Variants in POU3F3 observed in about 807,000 individuals in gnomAD.
POU3F3 encodes the protein POU domain, class 3, transcription factor 3.
POU3F3 carries 1 observed loss-of-function variant against 8.6 expected under a neutral mutation model. The ratio of observed to expected loss-of-function variants is 0.12; its 90% CI spans 0.04 to 0.55. POU3F3 has a LOEUF of 0.55. POU3F3 is among the 20% of genes least tolerant of loss of function. POU3F3 has a pLI of 0.91. For synonymous variants in POU3F3, 418 were observed against 327.4 expected (o/e 1.28, Z -2.99); for missense variants, 577 against 690.7 (o/e 0.84, Z 1.84).
the POU3F3 span, among the ~76,000 whole-genome samples, chr2:104,879,173 A>G: frequency 6.6e-6 from 1 of 152,102 alleles, no homozygotes; most frequent in African/African-American, 2.4e-5. Context: ...GGCACACAAC[A>G]CATGCATACA....
chr2:104,877,255 G>A, the POU3F3 span, among the ~76,000 whole-genome samples: 1 of 144,530 alleles, frequency 6.9e-6, no homozygotes. Context: ...TTTTCCATTT[G>A]CAATGGCTTA....
At chr2:104,872,662 C>T in the POU3F3 span, 2 of 271,314 alleles carry the variant, frequency 7.4e-6, no homozygotes, top group Non-Finnish European at 1.4e-5. This position sits in a 1 kb window ranked among gnomAD's most constrained non-coding sequence, Gnocchi z 4.6. Flanking sequence ...CGCCGGCCCG[C>T]GTGCAGCATT....
chr2:104,884,767 T>A, the POU3F3 span, among the ~76,000 whole-genome samples: 1 of 152,122 alleles, frequency 6.6e-6, no homozygotes, highest in Non-Finnish European at 1.5e-5. Context: ...CATTGTGGGA[T>A]GAGTTAGGCT....
chr2:104,859,274 A>G (rs1180775027), downstream of POU3F3, among the ~76,000 whole-genome samples: 1 of 152,080 alleles, frequency 6.6e-6, no homozygotes, highest in Non-Finnish European at 1.5e-5. Context: ...ATGATTCTAT[A>G]TCTTCTTTAC....
At position 104,857,114 on chromosome 2, in the gene POU3F3, C is replaced by G. The variant is rs1558703862; in HGVS notation, c.*101C>G. 4.2e-6 allele frequency: 4 copies of G among 949,644 alleles called. No homozygotes were observed. The highest frequency in any genetic ancestry group is 2.5e-6 in the Non-Finnish European group (2 of 799,458). The allele number at this position is 949,644 out of a possible 1,614,324, so 58.8% of individuals were successfully genotyped here. ...CCGCCGCCGCCGCCGCCGCCGCCGC[C>G]GCTGCCGCCGCCGCGCCGACCCTGC... On this transcript the variant is annotated 3_prime_UTR_variant, in exon 1 of 1. Transcript: ENST00000361360.
At chr2:104,861,147 T>C (rs1676650865), downstream of POU3F3, among the ~76,000 whole-genome samples, 1 of 152,240 alleles carries the variant, frequency 6.6e-6, no homozygotes, top group Non-Finnish European at 1.5e-5. Flanking sequence ...GATACTTTTA[T>C]ATATTTATAC....
the POU3F3 span, among the ~76,000 whole-genome samples, chr2:104,914,776 T>C: frequency 6.6e-6 from 1 of 152,252 alleles, no homozygotes; most frequent in African/African-American, 2.4e-5. Flanking sequence ...AGACAGTGTC[T>C]ATCTCCTGTC....
chr2:104,911,284 G>A, the POU3F3 span, among the ~76,000 whole-genome samples: 1 of 151,842 alleles, frequency 6.6e-6, no homozygotes, highest in Non-Finnish European at 1.5e-5. Context: ...TGTGGTGGCA[G>A]GCACCTGTAA....
At chr2:104,889,570 C>CCAAAGG in the POU3F3 span, among the ~76,000 whole-genome samples, 9 of 152,312 alleles carry the variant, frequency 5.9e-5, no homozygotes, top group South Asian at 6.2e-4. Flanking sequence ...AACTGAGTAA[C>CCAAAGG]TCAGCCAAGG....
At chr2:104,916,686 CAG>C in the POU3F3 span, among the ~76,000 whole-genome samples, 1 of 152,164 alleles carries the variant, frequency 6.6e-6, no homozygotes, top group Non-Finnish European at 1.5e-5. Context: ...TATTCTAGCA[CAG>C]CAAGTCAATA....
At chr2:104,909,764 A>C in the POU3F3 span, among the ~76,000 whole-genome samples, 3 of 152,374 alleles carry the variant, frequency 2.0e-5, no homozygotes, top group South Asian at 6.2e-4. Context: ...TGCTTATGCG[A>C]ATTTTATTTA....
the POU3F3 span, among the ~76,000 whole-genome samples, chr2:104,864,049 C>T: frequency 4.6e-5 from 7 of 152,212 alleles, no homozygotes; most frequent in African/African-American, 7.2e-5. Context: ...GAAACTCGAG[C>T]ACCCTACAGG....
chr2:104,881,131 T>TTTCTTTCTTTCTTTCTTTCTTTCC, the POU3F3 span, among the ~76,000 whole-genome samples: 1 of 150,356 alleles, frequency 6.7e-6, no homozygotes, highest in Non-Finnish European at 1.5e-5. Context: ...ACTTTCTTTC[T>TTTCTTTCTTTCTTTCTTTCTTTCC]TTCTTTCTTT....
At chr2:104,879,571 G>A in the POU3F3 span, among the ~76,000 whole-genome samples, 3 of 152,186 alleles carry the variant, frequency 2.0e-5, no homozygotes, top group Admixed American at 1.3e-4. Context: ...GCTGGGGTGT[G>A]TAAAGGTGGC....
chr2:104,863,159 A>AATTATTATT (rs3056838), downstream of POU3F3, among the ~76,000 whole-genome samples: 161 of 134,830 alleles, frequency 1.2e-3, no homozygotes, highest in East Asian at 3.4e-3. Context: ...TCATAATAAC[A>AATTATTATT]ATTATTATTA....
the POU3F3 span, among the ~76,000 whole-genome samples, chr2:104,909,074 G>T: frequency 6.6e-6 from 1 of 152,146 alleles, no homozygotes; most frequent in South Asian, 2.1e-4. Flanking sequence ...AGTGACACTA[G>T]AAATTATTTA....
chr2:104,893,011 G>A, the POU3F3 span, among the ~76,000 whole-genome samples: 1 of 152,164 alleles, frequency 6.6e-6, no homozygotes, highest in African/African-American at 2.4e-5. Context: ...GATTCGAATG[G>A]CAGGCTTATT....
At chr2:104,890,460 A>G in the POU3F3 span, among the ~76,000 whole-genome samples, 1 of 151,870 alleles carries the variant, frequency 6.6e-6, no homozygotes, top group African/African-American at 2.4e-5. Context: ...CCACAATAAC[A>G]TCTCAGAGGA....
chr2:104,924,950 G>A, the POU3F3 span, among the ~76,000 whole-genome samples: 446 of 152,320 alleles, frequency 2.9e-3, 1 homozygote, highest in African/African-American at 0.01. Context: ...CAAAAATAAA[G>A]TAGGGAGCAT....
Sources: gnomAD v4.1 joint callset for allele counts (sites outside exome capture counted in the v4.1 genomes callset) on GRCh38, gnomAD v4.1.1 for gene constraint, Gnocchi (gnomAD v3.1) non-coding constraint, MANE v1.5 for transcripts, NCBI Gene and HGNC (gene_info 2026-07-23, HGNC 2026-07-21) for gene names.